The following DDHD1 variants were observed in gnomAD, a reference collection of about 807,000 sequenced individuals.
DDHD1 encodes DDHD domain containing 1.
A neutral mutation model predicts 96.4 loss-of-function variants in DDHD1; 49 were observed. That is an observed-to-expected ratio of 0.51 (90% confidence interval 0.40 to 0.64). The LOEUF is 0.64. Ranked by LOEUF, DDHD1 falls within the 30% of genes least tolerant of loss-of-function variation. The pLI, the probability that DDHD1 is intolerant of heterozygous loss-of-function variation, is 0.00. For synonymous variants in DDHD1, 442 were observed against 446.5 expected, an observed-to-expected ratio of 0.99 and a Z score of 0.13; for missense variants, 1,106 against 1,161.2, an observed-to-expected ratio of 0.95 and a Z score of 0.69.
intron 1 of DDHD1, among the ~76,000 whole-genome samples, chr14:53,139,637 G>C (rs1890496994): frequency 6.6e-6 from 1 of 152,010 alleles, no homozygotes; most frequent in Non-Finnish European, 1.5e-5. Flanking sequence ...AGTGAGCTGA[G>C]ATCATGCCAC....
intron 2 of DDHD1, 196 bp from the exon 3 acceptor site, chr14:53,093,640 G>A: frequency 1.7e-6 from 1 of 577,766 alleles, no homozygotes; most frequent in Non-Finnish European, 2.8e-6. Flanking sequence ...TTTTATAAAT[G>A]ATTAATCCTG....
At chr14:53,067,756 C>G (rs1169180038) in intron 6 of DDHD1, among the ~76,000 whole-genome samples, 2 of 152,164 alleles carry the variant, frequency 1.3e-5, no homozygotes, top group African/African-American at 4.8e-5. Flanking sequence ...CGTGCCCTGC[C>G]CAGCCTCTTA....
chr14:53,137,622 T>G (rs190839927), intron 1 of DDHD1, among the ~76,000 whole-genome samples: 7 of 151,212 alleles, frequency 4.6e-5, no homozygotes, highest in Admixed American at 2.0e-4. Context: ...AAAATAAAAA[T>G]AAAAGAAAAT....
rs1473910298 is a variant in DDHD1, at chr14:53,037,790, A to C, written c.*8978T>G. Reference sequence around the variant, plus strand: ...CAATTGCCTTTGGGGACTTAGCCAAAAGTTCTTTGCCAAGGCTGATGTTGA... The same window carrying C: ...CAATTGCCTTTGGGGACTTAGCCAACAGTTCTTTGCCAAGGCTGATGTTGA... On this transcript the variant is annotated 3_prime_UTR_variant, in exon 13 of 13. Coordinates refer to ENST00000673822, the MANE Select transcript of DDHD1 (RefSeq NM_001160148.2). 2 of 152,000 alleles carry C rather than the reference A, an allele frequency of 1.3e-5. No individual in the cohort carries two copies. Among genetic ancestry groups the C allele is most frequent in the Non-Finnish European group, 2.9e-5 (2 of 67,962 alleles). The allele number at this position is 152,000 out of a possible 1,614,324, so 9.4% of individuals were successfully genotyped here. A position where few individuals can be genotyped will look rare whatever the true frequency, so the allele number is the denominator to read the frequency against.
At chr14:53,077,997 T>C (rs770059520) in intron 4 of DDHD1, among the ~76,000 whole-genome samples, 9 of 152,212 alleles carry the variant, frequency 5.9e-5, no homozygotes, top group Non-Finnish European at 1.2e-4. Flanking sequence ...TTTCATTATA[T>C]GGATACGCCA....
At chr14:53,139,742 G>A (rs1890508256) in intron 1 of DDHD1, among the ~76,000 whole-genome samples, 1 of 151,432 alleles carries the variant, frequency 6.6e-6, no homozygotes, top group South Asian at 2.1e-4. Flanking sequence ...CCTATTTCTA[G>A]GCATAAATAC....
At chr14:53,126,317 T>G (rs1310429259) in intron 1 of DDHD1, among the ~76,000 whole-genome samples, 1 of 152,152 alleles carries the variant, frequency 6.6e-6, no homozygotes, top group African/African-American at 2.4e-5. Context: ...TGAATATGAA[T>G]TCAAACATTT....
chr14:53,071,126 T>C (rs991017461), intron 6 of DDHD1, among the ~76,000 whole-genome samples: 13 of 152,258 alleles, frequency 8.5e-5, no homozygotes, highest in Middle Eastern at 3.4e-3. Context: ...TGCTATGAAG[T>C]AGCTACTTGT....
At position 53,044,680 on chromosome 14, in the gene DDHD1, G is replaced by A. The variant is rs1881891158; in HGVS notation, c.*2088C>T. On this transcript the variant is annotated 3_prime_UTR_variant, in exon 13 of 13. Transcript: ENST00000673822. ...AAGATTTCATCAAAAGCCTTTTATA[G>A]CAAGGGTTTCTTAGTGAGTCACATA... 1 of 152,190 alleles carries A rather than the reference G, an allele frequency of 6.6e-6. No homozygotes were observed. The highest frequency in any genetic ancestry group is 2.4e-5 in the African/African-American group (1 of 41,446). 9.4% of individuals were successfully genotyped at this position (152,190 alleles called of 1,614,324 possible). A position where few individuals can be genotyped will look rare whatever the true frequency, so the allele number is the denominator to read the frequency against.
intron 1 of DDHD1, among the ~76,000 whole-genome samples, chr14:53,117,588 G>A (rs972624845): frequency 4.6e-5 from 7 of 152,108 alleles, no homozygotes; most frequent in African/African-American, 7.2e-5. Context: ...AGCCTGGTGG[G>A]GGAAAGGGGC....
chr14:53,140,106 A>G (rs1890540539), intron 1 of DDHD1, among the ~76,000 whole-genome samples: 1 of 152,226 alleles, frequency 6.6e-6, no homozygotes, highest in African/African-American at 2.4e-5. Context: ...AAACTTGAAA[A>G]TAAGTTAATA....
chr14:53,072,703 T>A lies in DDHD1; in HGVS notation c.1397A>T (p.Asp466Val). 6.3e-7 allele frequency: 1 copy of A among 1,598,646 alleles called. No homozygotes were observed. Residue 466 changes from aspartate to valine, a missense_variant and splice_region_variant, in exon 6 of 13, where the codon GAC becomes GTC. Physicochemically the swap from Asp to Val is radical, Grantham distance 152. This residue lies in a region of DDHD1 where 650 missense variants were observed against 758.8 expected (regional missense o/e 0.86). Transcript: ENST00000673822. ...EWRSKLTLDG[D>V]TVDSITPDKV... ...GTCAGGAGTAATGGAATCAACAGTG[T>A]CTACAAAAACAAACAAAAAAAGCAA...
chr14:53,124,831 C>T (rs1450117169), intron 1 of DDHD1, among the ~76,000 whole-genome samples: 1 of 152,182 alleles, frequency 6.6e-6, no homozygotes, highest in African/African-American at 2.4e-5. Context: ...GCTTAAACAA[C>T]AGTAATTTAT....
At chr14:53,143,945 T>C (rs1452228708) in intron 1 of DDHD1, among the ~76,000 whole-genome samples, 2 of 152,232 alleles carry the variant, frequency 1.3e-5, no homozygotes, top group African/African-American at 4.8e-5. Flanking sequence ...GGCTCAACCT[T>C]TGTATGTGGC....
rs1268567963 is a variant in DDHD1 at position 53,152,475 on chromosome 14, C to G, written c.624G>C (p.Gly208=). ...AGCACACATGGTCGCCGTCCCGGTCCCCGCCCTGGGGCCGGGCACCCGTGG... is the reference window on the plus strand; with the variant it reads ...AGCACACATGGTCGCCGTCCCGGTCGCCGCCCTGGGGCCGGGCACCCGTGG... The part of the protein sequence containing the change: ...LQTTGARPQG[G]DRDGDHVCSP... Residue 208 remains glycine (G), a synonymous_variant, in exon 1 of 13, where the codon GGG becomes GGC. Coordinates refer to ENST00000673822, the MANE Select transcript of DDHD1 (RefSeq NM_001160148.2). 3 of 1,612,946 alleles carry G rather than the reference C, an allele frequency of 1.9e-6. No homozygotes were observed. The African/African-American group carries it at 4.0e-5, about 22-fold the overall frequency.
chr14:53,084,579 G>GAC (rs1453232869), intron 4 of DDHD1, among the ~76,000 whole-genome samples: 3 of 152,172 alleles, frequency 2.0e-5, no homozygotes, highest in Non-Finnish European at 4.4e-5. Context: ...ATAAGCTATG[G>GAC]ACATTGAAAA....
chr14:53,136,949 C>T (rs936375275), intron 1 of DDHD1, among the ~76,000 whole-genome samples: 3 of 152,096 alleles, frequency 2.0e-5, no homozygotes, highest in East Asian at 1.9e-4. Context: ...GGAGAAAAGT[C>T]CGTCAATAAA....
Position 53,038,242 on chromosome 14 carries a change from C to T in DDHD1, c.*8526G>A, listed in dbSNP as rs902125658. 4 of 152,106 alleles carry T rather than the reference C, an allele frequency of 2.6e-5. No homozygotes were observed. Among genetic ancestry groups the T allele is most frequent in the African/African-American group, 4.8e-5 (2 of 41,424 alleles). The allele number at this position is 152,106 out of a possible 1,614,324, so 9.4% of individuals were successfully genotyped here. A position where few individuals can be genotyped will look rare whatever the true frequency, so the allele number is the denominator to read the frequency against. Reference sequence around the variant, plus strand: ...GAAAAGAAATCAAACTAGCTCTCTTCGCTGATATGATTTTATACCTAGAAA... The same window carrying T: ...GAAAAGAAATCAAACTAGCTCTCTTTGCTGATATGATTTTATACCTAGAAA... On this transcript the variant is annotated 3_prime_UTR_variant, in exon 13 of 13. Coordinates refer to ENST00000673822, the MANE Select transcript of DDHD1 (RefSeq NM_001160148.2).
intron 4 of DDHD1, among the ~76,000 whole-genome samples, chr14:53,081,312 T>TA: frequency 6.6e-6 from 1 of 152,366 alleles, no homozygotes; most frequent in African/African-American, 2.4e-5. Context: ...AATATGAGTA[T>TA]ATGCAAGGAA....
Sources: allele counts gnomAD v4.1 joint callset (sites outside exome capture counted in the v4.1 genomes callset), GRCh38; gene constraint gnomAD v4.1.1; regional missense constraint gnomAD v4.1.1; transcripts MANE v1.5; gene names NCBI Gene and HGNC (gene_info 2026-07-23, HGNC 2026-07-21).